The following MAPK6 variants were observed in gnomAD, a reference collection of about 807,000 sequenced individuals.
MAPK6 encodes the protein mitogen-activated protein kinase 6.
A neutral mutation model predicts 59.3 loss-of-function variants in MAPK6; 19 were observed. The observed-to-expected ratio is 0.32, with a 90% CI of 0.22 to 0.47. The LOEUF (loss-of-function observed/expected upper bound fraction) is 0.47. Among genes scored for constraint, MAPK6 ranks in the 20% least tolerant of loss-of-function variants. The pLI is 1.00. For synonymous variants in MAPK6, 316 were observed against 290.3 expected (o/e 1.09, Z -0.90); for missense variants, 724 against 847.9 (o/e 0.85, Z 1.81).
At chr15:52,016,107 C>CACACACACACACACACACACACACAA (rs1267339787), upstream of MAPK6, among the ~76,000 whole-genome samples, 10 of 136,212 alleles carry the variant, frequency 7.3e-5, no homozygotes, top group African/African-American at 2.3e-4. Context: ...CACACACACA[C>CACACACACACACACACACACACACAA]AAACTAAAAC....
At chr15:51,992,303 A>ATTTTTT (rs1388505754) in intron 2 of MAPK6, among the ~76,000 whole-genome samples, 6 of 92,798 alleles carry the variant, frequency 6.5e-5, no homozygotes, top group Non-Finnish European at 1.2e-4. Context: ...ATATATATAT[A>ATTTTTT]TATTTTTTTT....
At position 52,067,320 on chromosome 15, in the gene MAPK6, A is replaced by C. The variant is rs1265475659; in HGVS notation, c.*2320A>C. ...AAATATGCTTGCTTTAGGGTGACCC[A>C]GGCTGAGTACTAAGTTGTAAAGTCA... On this transcript the variant is annotated 3_prime_UTR_variant, in exon 6 of 6. Coordinates refer to ENST00000261845, the MANE Select transcript of MAPK6 (RefSeq NM_002748.4). 3 of 152,262 alleles carry C rather than the reference A, an allele frequency of 2.0e-5. No homozygotes were observed. The highest frequency in any genetic ancestry group is 2.9e-5 in the Non-Finnish European group (2 of 68,050). 9.4% of individuals were successfully genotyped at this position (152,262 alleles called of 1,614,324 possible). A position where few individuals can be genotyped will look rare whatever the true frequency, so the allele number is the denominator to read the frequency against.
chr15:52,048,647 C>T (rs1029627152), intron 2 of MAPK6, among the ~76,000 whole-genome samples: 36 of 152,008 alleles, frequency 2.4e-4, no homozygotes, highest in Non-Finnish European at 3.5e-4. Context: ...GAGTTCTAGG[C>T]TGGAAGCGCG....
chr15:52,042,748 C>T (rs1408747570), intron 1 of MAPK6: 1 of 152,116 alleles, frequency 6.6e-6, no homozygotes, highest in African/African-American at 2.4e-5. Flanking sequence ...TTTCATTTGT[C>T]TATAGAACTG....
intron 1 of MAPK6, among the ~76,000 whole-genome samples, chr15:52,030,393 A>G (rs889583035): frequency 1.3e-5 from 2 of 152,184 alleles, no homozygotes; most frequent in African/African-American, 4.8e-5. Context: ...TGTGGACTGT[A>G]TAAAATGTTT....
exon 2 of MAPK6, among the ~76,000 whole-genome samples, chr15:51,983,310 A>C (rs1212929657): frequency 1.3e-5 from 2 of 149,214 alleles, no homozygotes; most frequent in Non-Finnish European, 3.0e-5. Flanking sequence ...AACATGGAGA[A>C]ACCCCGTATG....
In MAPK6 at chr15:52,064,507, C is replaced by T. The variant is rs766218454; in HGVS notation, c.1673C>T (p.Ser558Phe). The stretch of plus-strand genomic sequence containing the variant: ...TTAAATGACTTGAATAGCTCAGTGT[C>T]CCAACTAGAATTGAAAAGTTTGATA... Reference protein sequence around the residue: ...DKLNDLNSSVSQLELKSLISK... With the variant: ...DKLNDLNSSVFQLELKSLISK... Residue 558 changes from serine to phenylalanine, a missense_variant, in exon 6 of 6, where the codon TCC (serine) becomes TTC (phenylalanine). Physicochemically the swap from Ser to Phe is radical, Grantham distance 155. Around this residue, in one of 4 missense-constraint regions of MAPK6, gnomAD observed 502 missense variants for 507.6 expected, o/e 0.99. Transcript: ENST00000261845. 1.2e-6 allele frequency: 2 copies of T among 1,609,508 alleles called. No individual in the cohort carries two copies. The highest frequency in any genetic ancestry group is 4.5e-5 in the East Asian group (2 of 44,844).
Position 51,998,759 on chromosome 15 carries a change from C to T in MAPK6, c.-769-5506C>T, listed in dbSNP as rs576026472. Among the ~76,000 whole-genome samples, 25 of 122,122 alleles carry T rather than the reference C, an allele frequency of 2.0e-4. 1 individual carries two copies. The East Asian group carries it at 3.2e-3, about 16-fold the overall frequency. The allele number at this position is 122,122 out of a possible 152,430, so 80.1% of individuals were successfully genotyped here. A position where few individuals can be genotyped will look rare whatever the true frequency, so the allele number is the denominator to read the frequency against. On this transcript the variant is annotated intron_variant, in intron 2 of 7. Coordinates refer to the MAPK6 transcript ENST00000691380. Reference sequence around the variant, plus strand: ...AGGCTGGAGTGCAGTGGCGCAATCTCGGCCCACTGCAAGCTCCGCCTCCTG... The same window carrying T: ...AGGCTGGAGTGCAGTGGCGCAATCTTGGCCCACTGCAAGCTCCGCCTCCTG...
chr15:52,005,190 T>C (rs1229656291), intron 3 of MAPK6, among the ~76,000 whole-genome samples: 1 of 152,102 alleles, frequency 6.6e-6, no homozygotes, highest in Non-Finnish European at 1.5e-5. Flanking sequence ...TTGGATAAAA[T>C]AGGCACTCAA....
At chr15:52,039,808 C>T (rs749572213) in intron 1 of MAPK6, among the ~76,000 whole-genome samples, 2 of 152,096 alleles carry the variant, frequency 1.3e-5, no homozygotes, top group Non-Finnish European at 2.9e-5. Context: ...TGAGCCACCA[C>T]GCCCAGCCTG....
intron 1 of MAPK6, among the ~76,000 whole-genome samples, chr15:51,981,708 A>G (rs2057174025): frequency 6.6e-6 from 1 of 152,194 alleles, no homozygotes; most frequent in Non-Finnish European, 1.5e-5. Context: ...AGACCTTTGC[A>G]GCAGGCAGGA....
upstream of MAPK6, among the ~76,000 whole-genome samples, chr15:52,016,109 A>AC (rs2030259664): frequency 1.7e-4 from 8 of 48,408 alleles, no homozygotes; most frequent in East Asian, 6.0e-4. Context: ...CACACACACA[A>AC]ACTAAAACTG....
At chr15:52,008,193 T>G (rs1219030217) in intron 3 of MAPK6, among the ~76,000 whole-genome samples, 1 of 152,104 alleles carries the variant, frequency 6.6e-6, no homozygotes, top group Non-Finnish European at 1.5e-5. Context: ...CACTCCACCT[T>G]TGACTTACTG....
At chr15:51,979,971 G>A (rs1178912713) in intron 1 of MAPK6, among the ~76,000 whole-genome samples, 1 of 151,576 alleles carries the variant, frequency 6.6e-6, no homozygotes, top group African/African-American at 2.4e-5. Context: ...TTTGAATTTT[G>A]TACCAAATGA....
chr15:51,977,110 C>A (rs1327439849), intron 1 of MAPK6, among the ~76,000 whole-genome samples: 1 of 151,104 alleles, frequency 6.6e-6, no homozygotes, highest in Non-Finnish European at 1.5e-5. Context: ...TTCTACAATT[C>A]TCCTGCCTCA....
intron 1 of MAPK6, among the ~76,000 whole-genome samples, chr15:52,022,442 T>A (rs1189849087): frequency 6.6e-6 from 1 of 152,036 alleles, no homozygotes; most frequent in African/African-American, 2.4e-5. Context: ...TCGTATTTTT[T>A]GTAGAGATGA....
chr15:52,012,232 T>C (rs61546369), intron 3 of MAPK6, among the ~76,000 whole-genome samples: 8,428 of 152,288 alleles, frequency 0.055, 453 homozygotes, highest in African/African-American at 0.13. Context: ...CACATCTTTT[T>C]TTCAGAGAAC....
intron 1 of MAPK6, among the ~76,000 whole-genome samples, chr15:51,973,982 G>A (rs1185835553): frequency 3.3e-5 from 5 of 151,726 alleles, no homozygotes; most frequent in African/African-American, 9.7e-5. Flanking sequence ...GCTGACCATT[G>A]CTCTTCTACT....
intron 2 of MAPK6, among the ~76,000 whole-genome samples, chr15:51,998,167 C>T (rs554431992): frequency 2.9e-4 from 44 of 151,346 alleles, no homozygotes; most frequent in African/African-American, 1.0e-3. Flanking sequence ...TGGTCGCGAT[C>T]GCCTGACCTC....
Sources: gnomAD v4.1 joint callset for allele counts (sites outside exome capture counted in the v4.1 genomes callset) on GRCh38, gnomAD v4.1.1 for gene constraint, gnomAD v4.1.1 regional missense constraint, MANE v1.5 for transcripts, NCBI Gene and HGNC (gene_info 2026-07-23, HGNC 2026-07-21) for gene names.